MRPL48: variants seen among roughly 807,000 people sequenced by gnomAD.
MRPL48 encodes large ribosomal subunit protein mL48.
In MRPL48, 16 loss-of-function variants were observed where a neutral mutation model predicts 32.9. That is an observed-to-expected ratio of 0.49 (90% confidence interval 0.33 to 0.74). The LOEUF (loss-of-function observed/expected upper bound fraction) is 0.74, where lower values mean the gene tolerates loss of function less well. MRPL48 is among the 30% of genes least tolerant of loss of function. The pLI is 0.02. For synonymous variants in MRPL48, 94 were observed against 89.2 expected, an observed-to-expected ratio of 1.05 and a Z score of -0.31; for missense variants, 206 against 245.3, an observed-to-expected ratio of 0.84 and a Z score of 1.07.
intron 4 of MRPL48, among the ~76,000 whole-genome samples, chr11:73,834,836 GTT>G (rs71065042): frequency 7.3e-6 from 1 of 137,282 alleles, no homozygotes; most frequent in Non-Finnish European, 1.6e-5. Flanking sequence ...TGTCTGGCCT[GTT>G]TTTTTTTTTT....
At chr11:73,835,191 G>T (rs182754669) in intron 4 of MRPL48, among the ~76,000 whole-genome samples, 2 of 138,204 alleles carry the variant, frequency 1.4e-5, no homozygotes, top group Admixed American at 7.6e-5. Context: ...CACCAGGCTG[G>T]AGTGCTGTGG....
intron 3 of MRPL48, among the ~76,000 whole-genome samples, chr11:73,825,284 A>ATGTGTGTG (rs66515925): frequency 3.4e-4 from 48 of 139,902 alleles, no homozygotes; most frequent in South Asian, 1.2e-3. Flanking sequence ...TTTTTTATAT[A>ATGTGTGTG]TGTGTGTGTG....
intron 5 of MRPL48, chr11:73,851,069 T>A: frequency 2.0e-6 from 1 of 504,490 alleles, no homozygotes; most frequent in South Asian, 1.5e-5. Context: ...GGCATCAATT[T>A]TCCCTACAAA....
chr11:73,821,797 C>T (rs1947788774), intron 3 of MRPL48, among the ~76,000 whole-genome samples: 1 of 152,188 alleles, frequency 6.6e-6, no homozygotes, highest in African/African-American at 2.4e-5. Flanking sequence ...CCTATCAAGC[C>T]TGCCATGGAT....
intron 1 of MRPL48, 32 bp downstream of exon 1, chr11:73,788,024 G>GGAGATGGCGGACGGTGCAGAGAGGA: frequency 6.8e-7 from 1 of 1,465,108 alleles, no homozygotes; most frequent in South Asian, 1.3e-5. Flanking sequence ...CGGGGCGCGG[G>GGAGATGGCGGACGGTGCAGAGAGGA]GAGATGGCGG....
chr11:73,805,064 C>G lies in MRPL48; in HGVS notation c.59C>G (p.Ala20Gly), dbSNP rs58792356. The change falls in exon 2 of 8, where the codon GCC becomes GGC. Residue 20 changes from alanine to glycine, a missense_variant. By Grantham distance (60) the Ala-to-Gly change is moderately conservative (BLOSUM62 0). Coordinates refer to ENST00000310614, the MANE Select transcript of MRPL48 (RefSeq NM_016055.6). Reference sequence around the variant, plus strand: ...AGGAACAATACCATTTTTAAGCAAGCCTTTTCTCTCTTAAGGTAAGAATAT... The same window carrying G: ...AGGAACAATACCATTTTTAAGCAAGGCTTTTCTCTCTTAAGGTAAGAATAT... ...CLRNNTIFKQAFSLLRFRTSG... is the reference protein window; with the variant it reads ...CLRNNTIFKQGFSLLRFRTSG... 6,851 of 1,582,380 alleles carry G rather than the reference C, an allele frequency of 4.3e-3. 195 individuals carry two copies. In the African/African-American group the frequency reaches 0.069, roughly 16 times the overall value.
chr11:73,810,296 C>T (rs1001687080), intron 3 of MRPL48, among the ~76,000 whole-genome samples: 6 of 152,056 alleles, frequency 3.9e-5, no homozygotes, highest in Non-Finnish European at 5.9e-5. Flanking sequence ...CCGAGATGGG[C>T]GGATCACCTT....
At chr11:73,853,680 C>CTTTTTTT (rs58486952) in intron 5 of MRPL48, among the ~76,000 whole-genome samples, 2 of 79,122 alleles carry the variant, frequency 2.5e-5, no homozygotes, top group Non-Finnish European at 2.4e-5. Context: ...GAGATAGCTT[C>CTTTTTTT]TTTTTTTTTT....
chr11:73,863,800 T>C (rs1948624184), intron 7 of MRPL48, among the ~76,000 whole-genome samples: 1 of 152,184 alleles, frequency 6.6e-6, no homozygotes, highest in Admixed American at 6.5e-5. Flanking sequence ...ATGACACAGA[T>C]GTATGAGGTC....
chr11:73,832,985 G>A (rs1948022907), intron 4 of MRPL48, among the ~76,000 whole-genome samples: 1 of 152,156 alleles, frequency 6.6e-6, no homozygotes, highest in Non-Finnish European at 1.5e-5. Context: ...TGAGGCAAGT[G>A]CTTTACTAGG....
intron 5 of MRPL48, among the ~76,000 whole-genome samples, chr11:73,851,728 T>C (rs190319398): frequency 1.4e-5 from 2 of 139,052 alleles, no homozygotes; most frequent in East Asian, 2.0e-4. Context: ...TCAGTCATGA[T>C]TGAAAGAATG....
At chr11:73,824,965 C>T (rs570122799) in intron 3 of MRPL48, among the ~76,000 whole-genome samples, 1 of 152,154 alleles carries the variant, frequency 6.6e-6, no homozygotes, top group East Asian at 1.9e-4. Flanking sequence ...AAGAGGTCAG[C>T]TACCACCAAA....
intron 3 of MRPL48, among the ~76,000 whole-genome samples, chr11:73,810,514 T>G (rs1947546077): frequency 6.6e-6 from 1 of 151,180 alleles, no homozygotes; most frequent in Non-Finnish European, 1.5e-5. Flanking sequence ...AGAGCGAAAC[T>G]CTGACTCAAA....
At chr11:73,838,980 T>C (rs544825653) in intron 4 of MRPL48, among the ~76,000 whole-genome samples, 1 of 152,294 alleles carries the variant, frequency 6.6e-6, no homozygotes, top group African/African-American at 2.4e-5. Flanking sequence ...AAATAATGAC[T>C]CATTGTATGT....
chr11:73,816,162 T>C (rs181005191), intron 3 of MRPL48, among the ~76,000 whole-genome samples: 6,411 of 151,298 alleles, frequency 0.042, 189 homozygotes, highest in Middle Eastern at 0.09. Context: ...CCCGGGTTCA[T>C]GCCATTCTCC....
chr11:73,861,364 T>G (rs12420751), intron 6 of MRPL48, among the ~76,000 whole-genome samples: 12,988 of 152,046 alleles, frequency 0.085, 669 homozygotes, highest in South Asian at 0.26. Context: ...GTTTGTTTTT[T>G]TTTGTTTGTT....
chr11:73,854,164 T>C lies in MRPL48; in HGVS notation c.372-5743T>C, dbSNP rs142684528. Among the ~76,000 whole-genome samples, 8 of 152,342 alleles carry C rather than the reference T, an allele frequency of 5.3e-5. No individual in the cohort carries two copies. In the East Asian group the frequency reaches 1.5e-3, roughly 29 times the overall value. On this transcript the variant is annotated intron_variant, in intron 5 of 7. Coordinates refer to ENST00000310614, the MANE Select transcript of MRPL48 (RefSeq NM_016055.6). ...ACTGAATTTCCTGCTTTTCATCAACTAACCACGGAATTGCTGTTTTCCCTT... is the reference window on the plus strand; with the variant it reads ...ACTGAATTTCCTGCTTTTCATCAACCAACCACGGAATTGCTGTTTTCCCTT...
chr11:73,845,720 T>C (rs1046157869), intron 5 of MRPL48, among the ~76,000 whole-genome samples: 2 of 151,828 alleles, frequency 1.3e-5, no homozygotes, highest in African/African-American at 4.8e-5. Context: ...CAGTGAGCTG[T>C]GTTCTTGCCA....
Position 73,847,829 on chromosome 11 carries a change from C to T in MRPL48, c.371+2853C>T, listed in dbSNP as rs531786673. On this transcript the variant is annotated intron_variant, in intron 5 of 7. Coordinates refer to ENST00000310614, the MANE Select transcript of MRPL48 (RefSeq NM_016055.6). Reference sequence around the variant, plus strand: ...TCCTGACCACAAATGATCCACCCACCGTGACCTCCCAAAGTGCTGGGATTA... The same window carrying T: ...TCCTGACCACAAATGATCCACCCACTGTGACCTCCCAAAGTGCTGGGATTA... Among the ~76,000 whole-genome samples the T allele has an allele frequency of 7.2e-5, 11 of 152,158 alleles. No homozygotes were observed. The East Asian group carries it at 1.7e-3, about 24-fold the overall frequency.
Sources: gnomAD v4.1 joint callset for allele counts (sites outside exome capture counted in the v4.1 genomes callset) on GRCh38, gnomAD v4.1.1 for gene constraint, MANE v1.5 for transcripts, NCBI Gene and HGNC (gene_info 2026-07-23, HGNC 2026-07-21) for gene names.